DNM3: variants seen among roughly 807,000 people sequenced by gnomAD.
The protein encoded by DNM3 is dynamin 3.
Under a neutral mutation model 101.6 loss-of-function variants are expected in DNM3, and 47 were observed. The observed-to-expected ratio is 0.46, with a 90% CI of 0.37 to 0.59. The LOEUF is 0.59. Ranked by LOEUF, DNM3 falls within the 20% of genes least tolerant of loss-of-function variation. The probability of loss-of-function intolerance (pLI) is 0.00; values close to 1 mark genes in which losing one functional copy is unlikely to be tolerated. For missense variants in DNM3, 849 were observed against 1,085.7 expected (o/e 0.78, Z 3.06); for synonymous variants, 385 against 387.9 (o/e 0.99, Z 0.09).
chr1:172,239,788 C>CT lies in DNM3; in HGVS notation c.1660-13776dup, dbSNP rs1430459787. ...CGCTTCTTCTTTTCTCCAGCCCTGT[C>CT]TTTTTTTTTCTCTTTTTTTTTTTTT... On this transcript the variant is annotated intron_variant, in intron 14 of 20. Coordinates refer to ENST00000627582, the MANE Select transcript of DNM3 (RefSeq NM_015569.5). Among the ~76,000 whole-genome samples, 6 of 42,734 alleles carry CT rather than the reference C, an allele frequency of 1.4e-4. No individual in the cohort carries two copies. In the South Asian group the frequency reaches 5.0e-3, roughly 35 times the overall value. The allele number at this position is 42,734 out of a possible 152,430, so 28.0% of individuals were successfully genotyped here. A position where few individuals can be genotyped will look rare whatever the true frequency, so the allele number is the denominator to read the frequency against.
chr1:172,101,104 T>G (rs577170688), intron 13 of DNM3, among the ~76,000 whole-genome samples: 1 of 152,298 alleles, frequency 6.6e-6, no homozygotes, highest in East Asian at 1.9e-4. Flanking sequence ...AAAGAGCTAT[T>G]GCTGGAAGAA....
chr1:172,120,301 A>G lies in DNM3; in HGVS notation c.1546-10874A>G, dbSNP rs769837120. On this transcript the variant is annotated intron_variant, in intron 13 of 20. Transcript: ENST00000627582. ...TTATAAAACCATCAGATCTCATGAG[A>G]CTTATTCACTATCAGGAGAACAGCA... Among the ~76,000 whole-genome samples the G allele has an allele frequency of 1.2e-4, 18 of 152,060 alleles. No homozygotes were observed. In the South Asian group the frequency reaches 1.2e-3, roughly 11 times the overall value.
intron 15 of DNM3, among the ~76,000 whole-genome samples, chr1:172,307,943 C>A (rs1181926939): frequency 6.6e-6 from 1 of 152,008 alleles, no homozygotes; most frequent in Non-Finnish European, 1.5e-5. Flanking sequence ...ATGGGTGCAG[C>A]AAACCAACAT....
chr1:171,915,803 T>C (rs1421700534), intron 1 of DNM3, among the ~76,000 whole-genome samples: 1 of 152,232 alleles, frequency 6.6e-6, no homozygotes, highest in Non-Finnish European at 1.5e-5. Context: ...AAGAGGTTAA[T>C]GTGATTTTGA....
chr1:171,909,534 G>A (rs147131781), intron 1 of DNM3, among the ~76,000 whole-genome samples: 2 of 151,912 alleles, frequency 1.3e-5, no homozygotes, highest in East Asian at 3.9e-4. Context: ...TTTTAAAGAT[G>A]TAGAAACTGA....
intron 1 of DNM3, among the ~76,000 whole-genome samples, chr1:171,856,051 T>C (rs1466885037): frequency 2.0e-5 from 3 of 152,196 alleles, no homozygotes; most frequent in Non-Finnish European, 2.9e-5. Context: ...ATATATGGTG[T>C]AAGGAAGGGG....
intron 14 of DNM3, among the ~76,000 whole-genome samples, chr1:172,179,668 C>T (rs1354180341): frequency 6.6e-6 from 1 of 151,368 alleles, no homozygotes; most frequent in Non-Finnish European, 1.5e-5. Flanking sequence ...TTATTTGTGG[C>T]CTTATTTAAT....
In DNM3 at chr1:172,408,517, T is replaced by G; in HGVS notation, c.*676T>G. The G allele has an allele frequency of 4.1e-6, 4 of 985,344 alleles. No homozygotes were observed. Among genetic ancestry groups the G allele is most frequent in the Non-Finnish European group, 4.8e-6 (4 of 829,870 alleles). The allele number at this position is 985,344 out of a possible 1,614,324, so 61.0% of individuals were successfully genotyped here. A position where few individuals can be genotyped will look rare whatever the true frequency, so the allele number is the denominator to read the frequency against. ...GCATATGCAACAGTGAATAAAAGCT[T>G]CTTTTTTTGTTAATCAGTCAATAAA... On this transcript the variant is annotated 3_prime_UTR_variant, in exon 21 of 21. Transcript: ENST00000627582.
intron 14 of DNM3, among the ~76,000 whole-genome samples, chr1:172,131,547 T>C (rs902064195): frequency 1.3e-5 from 2 of 152,188 alleles, no homozygotes; most frequent in East Asian, 3.8e-4. Flanking sequence ...GAGGTAGGCA[T>C]CAAAGTTGAA....
chr1:172,400,162 C>G (rs1430060666), intron 20 of DNM3, among the ~76,000 whole-genome samples: 1 of 152,142 alleles, frequency 6.6e-6, no homozygotes, highest in African/African-American at 2.4e-5. Flanking sequence ...TTTCCTCCTC[C>G]TTCTCAGAAG....
chr1:172,320,749 G>A (rs1186029146), intron 16 of DNM3, among the ~76,000 whole-genome samples: 2 of 152,150 alleles, frequency 1.3e-5, no homozygotes, highest in African/African-American at 4.8e-5. Context: ...GATGCACTCT[G>A]GGGGGATAGG....
At chr1:172,054,724 C>T (rs974720719) in intron 10 of DNM3, among the ~76,000 whole-genome samples, 2 of 152,070 alleles carry the variant, frequency 1.3e-5, no homozygotes, top group Non-Finnish European at 2.9e-5. Context: ...TTTGGGAGGC[C>T]GAGGCGGATG....
intron 14 of DNM3, among the ~76,000 whole-genome samples, chr1:172,206,745 G>T (rs762689147): frequency 2.6e-5 from 4 of 152,082 alleles, no homozygotes; most frequent in Non-Finnish European, 5.9e-5. Flanking sequence ...ACCCTAAAAA[G>T]ATCTTGCTGA....
intron 12 of DNM3, among the ~76,000 whole-genome samples, chr1:172,083,278 G>T (rs4576686): frequency 0.33 from 46,019 of 141,436 alleles, 7,280 homozygotes; most frequent in East Asian, 0.59. Context: ...TATAGTGGGT[G>T]GGGGGGGAAT....
At chr1:172,310,943 C>G (rs1451664847) in intron 16 of DNM3, 1 of 152,166 alleles carries the variant, frequency 6.6e-6, no homozygotes, top group African/African-American at 2.4e-5. Context: ...TGTCACACCA[C>G]TTATATTTAC....
chr1:172,288,381 G>C (rs2063778958), intron 15 of DNM3, among the ~76,000 whole-genome samples: 1 of 152,180 alleles, frequency 6.6e-6, no homozygotes, highest in Non-Finnish European at 1.5e-5. Flanking sequence ...TGTGTTCATG[G>C]AACTGATAGC....
intron 17 of DNM3, among the ~76,000 whole-genome samples, chr1:172,367,557 A>G (rs1207933720): frequency 1.3e-5 from 2 of 151,956 alleles, no homozygotes; most frequent in Non-Finnish European, 1.5e-5. Flanking sequence ...CAATGAGAAG[A>G]CAAAAAAGAT....
chr1:172,322,070 C>A (rs1378030391), intron 16 of DNM3, among the ~76,000 whole-genome samples: 1 of 152,078 alleles, frequency 6.6e-6, no homozygotes, highest in African/African-American at 2.4e-5. Flanking sequence ...TTTATGTTTT[C>A]TTTATTAAAT....
intron 1 of DNM3, among the ~76,000 whole-genome samples, chr1:171,898,531 G>T (rs1234082223): frequency 6.6e-6 from 1 of 151,926 alleles, no homozygotes; most frequent in African/African-American, 2.4e-5. Flanking sequence ...GAAAATACAT[G>T]TTCATTAAAG....
Sources: allele counts gnomAD v4.1 joint callset (sites outside exome capture counted in the v4.1 genomes callset), GRCh38; gene constraint gnomAD v4.1.1; transcripts MANE v1.5; gene names NCBI Gene and HGNC (gene_info 2026-07-23, HGNC 2026-07-21).